Variants in CPVL observed in about 807,000 individuals in gnomAD.
CPVL encodes carboxypeptidase vitellogenic like, also known as probable serine carboxypeptidase CPVL.
A neutral mutation model predicts 63.7 loss-of-function variants in CPVL; 51 were observed. The ratio of observed to expected loss-of-function variants is 0.80; its 90% CI spans 0.64 to 1.01. The LOEUF is 1.01. Ranked by LOEUF, CPVL falls within the 50% of genes least tolerant of loss-of-function variation. The pLI is 0.00. For synonymous variants in CPVL, 195 were observed against 206.0 expected (o/e 0.95, Z 0.46); for missense variants, 530 against 573.1 (o/e 0.92, Z 0.77).
chr7:29,136,804 C>G (rs140031859), intron 1 of CPVL, among the ~76,000 whole-genome samples: 1 of 152,214 alleles, frequency 6.6e-6, no homozygotes, highest in East Asian at 1.9e-4. Flanking sequence ...TCCTTACTTC[C>G]CTATTTTTCA....
chr7:29,159,650 G>A (rs1300006604), intron 5 of CPVL, among the ~76,000 whole-genome samples: 1 of 151,024 alleles, frequency 6.6e-6, no homozygotes, highest in Non-Finnish European at 1.5e-5. Flanking sequence ...TTGCTCAAAT[G>A]TCACCTTCTC....
chr7:29,146,584 A>T (rs1054687170), upstream of CPVL: 81 of 1,549,434 alleles, frequency 5.2e-5, no homozygotes, highest in Non-Finnish European at 7.0e-5. Flanking sequence ...CTAGGCTCAC[A>T]TGACCCAGAC....
In CPVL at chr7:29,174,599, C is replaced by T. The variant is rs537036344; in HGVS notation, c.-11+6691G>A. The stretch of plus-strand genomic sequence containing the variant: ...TTGAGAGTCCAGGTGCAGTGACTCA[C>T]GCCTGTAATCCAGCACTTTGGGAGG... On this transcript the variant is annotated intron_variant, in intron 5 of 16. Transcript: ENST00000409850. Among the ~76,000 whole-genome samples the T allele has an allele frequency of 3.3e-3, 498 of 152,256 alleles. 3 individuals are homozygous for T. Among genetic ancestry groups the T allele is most frequent in the African/African-American group, 0.011 (473 of 41,546 alleles).
chr7:29,050,198 AGAG>A (rs1790006664), intron 11 of CPVL, among the ~76,000 whole-genome samples: 1 of 152,184 alleles, frequency 6.6e-6, no homozygotes. Flanking sequence ...AAATCAGTAA[AGAG>A]GAAGTCAAAC....
intron 11 of CPVL, among the ~76,000 whole-genome samples, chr7:29,055,786 T>G (rs935169424): frequency 8.5e-5 from 13 of 152,210 alleles, no homozygotes; most frequent in Non-Finnish European, 1.9e-4. Context: ...CTCTGCCTTT[T>G]GTTTTTCTGG....
chr7:29,175,007 G>T (rs371717926), intron 5 of CPVL, among the ~76,000 whole-genome samples: 1 of 152,008 alleles, frequency 6.6e-6, no homozygotes, highest in East Asian at 1.9e-4. Context: ...ATAATGATAT[G>T]GTTTGGCTGT....
At chr7:29,194,562 C>G (rs1419959391) in intron 1 of CPVL, 6 of 198,276 alleles carry the variant, frequency 3.0e-5, no homozygotes, top group Non-Finnish European at 1.0e-5. Context: ...GCTGGCGGGG[C>G]GGCTCGGAGC....
chr7:29,004,957 T>C (rs1326520717), intron 12 of CPVL, among the ~76,000 whole-genome samples: 2 of 150,744 alleles, frequency 1.3e-5, no homozygotes, highest in Admixed American at 6.7e-5. Context: ...AGTGCAGTGA[T>C]GTGATCTTGG....
At chr7:29,038,786 T>C (rs1477133450) in intron 11 of CPVL, among the ~76,000 whole-genome samples, 1 of 152,252 alleles carries the variant, frequency 6.6e-6, no homozygotes, top group Non-Finnish European at 1.5e-5. Flanking sequence ...ATCCATTTAT[T>C]TCACTTCCTT....
intron 5 of CPVL, among the ~76,000 whole-genome samples, chr7:29,177,328 A>C (rs1584579421): frequency 6.6e-6 from 1 of 151,888 alleles, no homozygotes; most frequent in African/African-American, 2.4e-5. Context: ...ATCTCTGCTC[A>C]CTGCAACCTC....
chr7:29,101,382 C>T (rs1003727639), intron 3 of CPVL, among the ~76,000 whole-genome samples: 1 of 152,110 alleles, frequency 6.6e-6, no homozygotes, highest in Non-Finnish European at 1.5e-5. Flanking sequence ...GGGTGGATCA[C>T]GAGGTCAGGA....
At chr7:29,171,182 A>G (rs1796560436) in intron 5 of CPVL, among the ~76,000 whole-genome samples, 1 of 152,180 alleles carries the variant, frequency 6.6e-6, no homozygotes, top group South Asian at 2.1e-4. Context: ...AACATTGCTT[A>G]CATACGCACT....
chr7:29,092,568 G>A, intron 6 of CPVL, 55 bp downstream of exon 6: 1 of 1,211,774 alleles, frequency 8.3e-7, no homozygotes, highest in Non-Finnish European at 1.2e-6. Context: ...TTTTCCTATT[G>A]AGATAGAAAA....
chr7:29,122,879 G>T (rs1000765675), intron 1 of CPVL, among the ~76,000 whole-genome samples: 9 of 152,034 alleles, frequency 5.9e-5, no homozygotes, highest in Middle Eastern at 3.2e-3. Context: ...TTACACCTGA[G>T]GTAGTGCCTC....
chr7:29,021,492 G>A (rs781411084), intron 12 of CPVL, among the ~76,000 whole-genome samples: 1 of 150,346 alleles, frequency 6.7e-6, no homozygotes, highest in Admixed American at 6.6e-5. Flanking sequence ...GAACTTCTGA[G>A]GCATAGAAGG....
Position 29,146,409 on chromosome 7 carries a change from G to C in CPVL, c.-11+20C>G. The C allele has an allele frequency of 1.0e-6, 1 of 964,278 alleles. No homozygotes were observed. The highest frequency in any genetic ancestry group is 1.5e-6 in the Non-Finnish European group (1 of 677,082). 59.7% of individuals were successfully genotyped at this position (964,278 alleles called of 1,614,324 possible). A position where few individuals can be genotyped will look rare whatever the true frequency, so the allele number is the denominator to read the frequency against. On this transcript the variant is annotated intron_variant, in intron 1 of 12. Transcript: ENST00000265394. ...GTCCCGCTGAGCTGGCACGACCCACGCAGGGCAGGCGGCACTTACGCGGCG... is the reference window on the plus strand; with the variant it reads ...GTCCCGCTGAGCTGGCACGACCCACCCAGGGCAGGCGGCACTTACGCGGCG...
At chr7:29,119,225 G>A (rs948729912) in intron 2 of CPVL, among the ~76,000 whole-genome samples, 19 of 152,306 alleles carry the variant, frequency 1.2e-4, no homozygotes, top group Admixed American at 1.0e-3. Flanking sequence ...AGTGGCTCAC[G>A]CCTATAATCC....
intron 2 of CPVL, 37 bp downstream of exon 2, chr7:29,120,856 A>T: frequency 2.6e-6 from 4 of 1,535,768 alleles, no homozygotes; most frequent in Non-Finnish European, 3.6e-6. Context: ...TGTTGAACTC[A>T]TGCCAGTGGT....
chr7:29,074,866 A>T (rs1477665637), intron 7 of CPVL, among the ~76,000 whole-genome samples: 1 of 151,734 alleles, frequency 6.6e-6, no homozygotes, highest in Non-Finnish European at 1.5e-5. Context: ...TTCTTTCAAA[A>T]CTATATTATG....
Sources: allele counts gnomAD v4.1 joint callset (sites outside exome capture counted in the v4.1 genomes callset), GRCh38; gene constraint gnomAD v4.1.1; transcripts MANE v1.5; gene names NCBI Gene and HGNC (gene_info 2026-07-23, HGNC 2026-07-21).